GATB: variants seen among roughly 807,000 people sequenced by gnomAD.
GATB encodes the protein glutamyl-tRNA(Gln) amidotransferase subunit B, mitochondrial.
Under a neutral mutation model 62.3 loss-of-function variants are expected in GATB, and 39 were observed. The observed-to-expected ratio is 0.63, with a 90% CI of 0.48 to 0.82. The LOEUF is 0.82. GATB is among the 40% of genes least tolerant of loss of function. GATB has a pLI of 0.00. For missense variants in GATB, 670 were observed against 684.0 expected, an observed-to-expected ratio of 0.98 and a Z score of 0.23; for synonymous variants, 276 against 258.9, an observed-to-expected ratio of 1.07 and a Z score of -0.63.
intron 2 of GATB, among the ~76,000 whole-genome samples, chr4:151,742,203 C>T (rs1180137004): frequency 4.6e-5 from 7 of 152,060 alleles, no homozygotes; most frequent in Non-Finnish European, 8.8e-5. Context: ...ATTCTTCTGC[C>T]TCAGCCTCCT....
At chr4:151,724,011 A>G (rs1038770843) in intron 2 of GATB, 2 of 152,200 alleles carry the variant, frequency 1.3e-5, no homozygotes, top group Admixed American at 6.5e-5. Flanking sequence ...TGCTGCAATC[A>G]TAATTGTTTG....
chr4:151,677,856 T>C (rs1354200875), intron 11 of GATB: 1 of 151,722 alleles, frequency 6.6e-6, no homozygotes, highest in African/African-American at 2.4e-5. Context: ...ACTATATAAT[T>C]AATAATAAGA....
rs1738100431 is a variant in GATB, at chr4:151,679,902, C to T, written c.1332-11G>A. On this transcript the variant is annotated splice_polypyrimidine_tract_variant and intron_variant, in intron 10 of 12. Coordinates refer to ENST00000263985, the MANE Select transcript of GATB (RefSeq NM_004564.3). ...GAGGGTGTGACAGGACTGGTGGCCC[C>T]CAAAAGAGAAAACACATTTACATTG... 1 of 1,613,600 alleles carries T rather than the reference C, an allele frequency of 6.2e-7. No individual in the cohort carries two copies.
At chr4:151,700,219 C>T (rs1738574625) in intron 9 of GATB, among the ~76,000 whole-genome samples, 1 of 152,318 alleles carries the variant, frequency 6.6e-6, no homozygotes, top group South Asian at 2.1e-4. Context: ...ATGTTGTGCT[C>T]ATCTGTGCTG....
chr4:151,729,860 G>A (rs555501071), intron 2 of GATB, among the ~76,000 whole-genome samples: 54 of 152,148 alleles, frequency 3.5e-4, no homozygotes, highest in Non-Finnish European at 3.4e-4. Context: ...GATGCTGGTC[G>A]GATCATGGCA....
chr4:151,693,927 CG>C (rs1477410833), intron 9 of GATB, among the ~76,000 whole-genome samples: 1 of 152,152 alleles, frequency 6.6e-6, no homozygotes, highest in African/African-American at 2.4e-5. Flanking sequence ...CAACTTCCCC[CG>C]AATAATCAAA....
intron 5 of GATB, 47 bp downstream of exon 5, chr4:151,715,962 G>A (rs1482333262): frequency 6.3e-7 from 1 of 1,597,444 alleles, no homozygotes; most frequent in South Asian, 1.1e-5. Flanking sequence ...GGTTCTAGAA[G>A]GCAGGAAGGG....
At chr4:151,718,585 C>A (rs893533224) in intron 3 of GATB, among the ~76,000 whole-genome samples, 6 of 152,170 alleles carry the variant, frequency 3.9e-5, no homozygotes, top group Admixed American at 1.3e-4. Context: ...AAAGCAGCAG[C>A]CACTGGAGAA....
chr4:151,685,227 G>C (rs1180928494), intron 10 of GATB, among the ~76,000 whole-genome samples: 2 of 152,180 alleles, frequency 1.3e-5, no homozygotes, highest in African/African-American at 4.8e-5. Context: ...TGGCTGGTGT[G>C]AATCTCCCTC....
intron 12 of GATB, among the ~76,000 whole-genome samples, chr4:151,671,816 G>A (rs1447800638): frequency 6.6e-6 from 1 of 152,178 alleles, no homozygotes; most frequent in African/African-American, 2.4e-5. Flanking sequence ...GGAGTGTGCT[G>A]TGTGGGCAGG....
chr4:151,714,401 T>C (rs146840494), intron 5 of GATB, among the ~76,000 whole-genome samples: 2 of 152,326 alleles, frequency 1.3e-5, no homozygotes, highest in East Asian at 3.9e-4. Flanking sequence ...GATAAAATGC[T>C]CACAGCACCA....
At chr4:151,690,052 A>G (rs1169098579) in intron 9 of GATB, among the ~76,000 whole-genome samples, 1 of 152,196 alleles carries the variant, frequency 6.6e-6, no homozygotes, top group African/African-American at 2.4e-5. Flanking sequence ...ATTCCTTTTA[A>G]GTTCACACTG....
At chr4:151,685,745 G>A (rs867413761) in intron 10 of GATB, among the ~76,000 whole-genome samples, 3 of 152,156 alleles carry the variant, frequency 2.0e-5, no homozygotes, top group Non-Finnish European at 4.4e-5. Flanking sequence ...GGCCAAACCC[G>A]GGAGGACAGG....
intron 11 of GATB, among the ~76,000 whole-genome samples, chr4:151,677,130 C>T (rs770267533): frequency 1.3e-5 from 2 of 152,164 alleles, no homozygotes; most frequent in Non-Finnish European, 2.9e-5. Context: ...CTGCCAGAGG[C>T]AACACCAATA....
rs1482204192 is a variant in GATB at position 151,697,965 on chromosome 4, A to ATGTGTG, written c.1197+3363_1197+3364insCACACA. 6.2e-4 allele frequency among the ~76,000 whole-genome samples: 68 copies of ATGTGTG among 108,962 alleles called. 4 individuals are homozygous for ATGTGTG. Among genetic ancestry groups the ATGTGTG allele is most frequent in the African/African-American group, 2.3e-3 (47 of 20,072 alleles). 71.5% of individuals were successfully genotyped at this position (108,962 alleles called of 152,430 possible). ...TGTGTGTGTGTGTGTATATATATAT[A>ATGTGTG]TATATATATATATATATATATATAT... On this transcript the variant is annotated intron_variant, in intron 9 of 12. Coordinates refer to ENST00000263985, the MANE Select transcript of GATB (RefSeq NM_004564.3).
At chr4:151,684,201 A>G (rs1428529971) in intron 10 of GATB, among the ~76,000 whole-genome samples, 1 of 152,246 alleles carries the variant, frequency 6.6e-6, no homozygotes, top group African/African-American at 2.4e-5. Context: ...TGTTGCCCAC[A>G]GCTCACCTGA....
chr4:151,753,804 G>C (rs997676765), intron 2 of GATB, among the ~76,000 whole-genome samples: 1 of 151,800 alleles, frequency 6.6e-6, no homozygotes, highest in Non-Finnish European at 1.5e-5. Context: ...TATTAAGAAA[G>C]ACATGACCAA....
At chr4:151,710,050 G>A (rs528099255) in intron 5 of GATB, among the ~76,000 whole-genome samples, 1 of 152,016 alleles carries the variant, frequency 6.6e-6, no homozygotes, top group South Asian at 2.1e-4. Context: ...GAGTGTTACC[G>A]CCTCCTCCTA....
chr4:151,689,980 G>T (rs140285221), intron 9 of GATB, among the ~76,000 whole-genome samples: 2 of 152,162 alleles, frequency 1.3e-5, no homozygotes, highest in African/African-American at 4.8e-5. Flanking sequence ...GAGGATATAC[G>T]TTTTAAGTAG....
Sources: gnomAD v4.1 joint callset for allele counts (sites outside exome capture counted in the v4.1 genomes callset) on GRCh38, gnomAD v4.1.1 for gene constraint, MANE v1.5 for transcripts, NCBI Gene and HGNC (gene_info 2026-07-23, HGNC 2026-07-21) for gene names.